Variants in ROBO1 observed in about 807,000 individuals in gnomAD.
ROBO1 encodes roundabout guidance receptor 1, also known as roundabout homolog 1.
A neutral mutation model predicts 195.9 loss-of-function variants in ROBO1; 149 were observed. The ratio of observed to expected loss-of-function variants is 0.76; its 90% CI spans 0.67 to 0.87. ROBO1 has a LOEUF of 0.87. Ranked by LOEUF, ROBO1 falls within the 40% of genes least tolerant of loss-of-function variation. ROBO1 has a pLI of 0.00. For missense variants in ROBO1, 1,933 were observed against 2,068.3 expected (o/e 0.93, Z 1.27); for synonymous variants, 816 against 733.2 (o/e 1.11, Z -1.82).
intron 2 of ROBO1, among the ~76,000 whole-genome samples, chr3:79,158,001 C>T (rs1298328677): frequency 2.0e-5 from 3 of 151,660 alleles, no homozygotes; most frequent in Non-Finnish European, 4.4e-5. Flanking sequence ...ATAGACAATG[C>T]CAGAATAAAC....
intron 3 of ROBO1, among the ~76,000 whole-genome samples, chr3:79,120,183 G>A (rs1179641911): frequency 6.6e-6 from 1 of 152,116 alleles, no homozygotes; most frequent in Non-Finnish European, 1.5e-5. Context: ...TTCCCAGGAA[G>A]TTGGAGAAAA....
intron 2 of ROBO1, among the ~76,000 whole-genome samples, chr3:79,458,723 T>C (rs879523900): frequency 6.8e-6 from 1 of 146,816 alleles, no homozygotes; most frequent in Non-Finnish European, 1.5e-5. Flanking sequence ...AAAAAACTGG[T>C]GAAAAGGAGT....
At position 78,598,895 on chromosome 3, in the gene ROBO1, T is replaced by TA; in HGVS notation, c.*17dup. The TA allele has an allele frequency of 1.3e-6, 2 of 1,549,212 alleles. No homozygotes were observed. The highest frequency in any genetic ancestry group is 1.8e-6 in the Non-Finnish European group (2 of 1,139,334). On this transcript the variant is annotated 3_prime_UTR_variant, in exon 31 of 31. Coordinates refer to ENST00000464233, the MANE Select transcript of ROBO1 (RefSeq NM_002941.4). ...GTGATGATTTTCACATTAGATCTCA[T>TA]AAGCCTCTTGGTTGTCTTCAGCTTT...
At chr3:79,064,103 T>TA (rs972823285) in intron 3 of ROBO1, among the ~76,000 whole-genome samples, 3 of 151,924 alleles carry the variant, frequency 2.0e-5, no homozygotes, top group Non-Finnish European at 4.4e-5. Context: ...TGAATCATCA[T>TA]AAAAAAATTA....
intron 2 of ROBO1, among the ~76,000 whole-genome samples, chr3:79,475,526 C>G (rs946059177): frequency 2.6e-5 from 4 of 151,736 alleles, no homozygotes; most frequent in Non-Finnish European, 5.9e-5. Context: ...TAATGGCAAT[C>G]ATAGAAGAAA....
At chr3:78,769,340 TG>T (rs1239137677) in intron 4 of ROBO1, among the ~76,000 whole-genome samples, 1 of 152,348 alleles carries the variant, frequency 6.6e-6, no homozygotes, top group East Asian at 1.9e-4. Context: ...TTTTAACCAC[TG>T]TTGCTTTAAA....
chr3:79,322,554 G>A (rs948825486), intron 2 of ROBO1, among the ~76,000 whole-genome samples: 1 of 152,158 alleles, frequency 6.6e-6, no homozygotes, highest in African/African-American at 2.4e-5. Flanking sequence ...TGCTAGGAAA[G>A]ACAACTAGGT....
At chr3:78,717,160 C>T (rs2081921841) in intron 7 of ROBO1, 115 bp downstream of exon 7, 1 of 1,082,702 alleles carries the variant, frequency 9.2e-7, no homozygotes, top group Non-Finnish European at 1.3e-6. Flanking sequence ...TGTATCTGGC[C>T]CCTGATAGAG....
At chr3:79,601,035 G>A (rs1576096615) in intron 1 of ROBO1, among the ~76,000 whole-genome samples, 2 of 151,944 alleles carry the variant, frequency 1.3e-5, no homozygotes, top group East Asian at 1.9e-4. Flanking sequence ...TTAATATAAT[G>A]TATAAACAGA....
chr3:79,475,117 G>T (rs560733483), intron 2 of ROBO1, among the ~76,000 whole-genome samples: 14 of 151,588 alleles, frequency 9.2e-5, no homozygotes, highest in Admixed American at 2.6e-4. Context: ...CCAAAGGAAT[G>T]ATAGTATTAA....
At chr3:79,228,695 A>T (rs2082268923) in intron 2 of ROBO1, among the ~76,000 whole-genome samples, 1 of 152,158 alleles carries the variant, frequency 6.6e-6, no homozygotes, top group Non-Finnish European at 1.5e-5. Flanking sequence ...GATATGGTTT[A>T]CTAATACATA....
intron 4 of ROBO1, among the ~76,000 whole-genome samples, chr3:78,782,299 C>A (rs919078298): frequency 1.3e-5 from 2 of 151,718 alleles, no homozygotes; most frequent in Admixed American, 1.3e-4. Flanking sequence ...TAGGTTTAAG[C>A]GATTCTCTTG....
chr3:79,126,225 A>G (rs978279375), intron 2 of ROBO1, among the ~76,000 whole-genome samples: 5 of 152,218 alleles, frequency 3.3e-5, no homozygotes, highest in Non-Finnish European at 7.3e-5. Flanking sequence ...ATATTTTAAA[A>G]CATTCCAAAG....
intron 4 of ROBO1, among the ~76,000 whole-genome samples, chr3:78,828,932 C>A (rs1337590431): frequency 6.6e-6 from 1 of 152,064 alleles, no homozygotes; most frequent in Non-Finnish European, 1.5e-5. Context: ...AGAAAAAAAA[C>A]TTTCATATAT....
chr3:78,942,844 T>C (rs891659032), intron 3 of ROBO1, among the ~76,000 whole-genome samples: 2 of 152,130 alleles, frequency 1.3e-5, no homozygotes, highest in African/African-American at 4.8e-5. Flanking sequence ...GAGGCTGCAG[T>C]GTGCTATGAT....
chr3:78,724,223 A>C (rs542051111), intron 5 of ROBO1, among the ~76,000 whole-genome samples: 1 of 152,286 alleles, frequency 6.6e-6, no homozygotes, highest in South Asian at 2.1e-4. Flanking sequence ...CTACATTGAA[A>C]TGGATCTTAA....
intron 2 of ROBO1, among the ~76,000 whole-genome samples, chr3:79,249,694 A>G (rs910441012): frequency 2.0e-5 from 3 of 152,188 alleles, no homozygotes; most frequent in African/African-American, 7.2e-5. Flanking sequence ...GTAACCTAGA[A>G]GAAGAGCCTC....
At chr3:79,168,772 T>C (rs2081115831) in intron 2 of ROBO1, among the ~76,000 whole-genome samples, 1 of 152,166 alleles carries the variant, frequency 6.6e-6, no homozygotes, top group African/African-American at 2.4e-5. Flanking sequence ...GTAGATAATA[T>C]ATCAAGGGTT....
At chr3:79,568,095 A>G (rs1454458441) in intron 2 of ROBO1, among the ~76,000 whole-genome samples, 2 of 152,136 alleles carry the variant, frequency 1.3e-5, no homozygotes, top group Non-Finnish European at 2.9e-5. Context: ...CTCTCTTTAT[A>G]GACGCACTTT....
Sources: gnomAD v4.1 joint callset for allele counts (sites outside exome capture counted in the v4.1 genomes callset) on GRCh38, gnomAD v4.1.1 for gene constraint, MANE v1.5 for transcripts, NCBI Gene and HGNC (gene_info 2026-07-23, HGNC 2026-07-21) for gene names.